The following GPC5 variants were observed in gnomAD, a reference collection of about 807,000 sequenced individuals.
GPC5 encodes the protein glypican-5.
Under a neutral mutation model 53.9 loss-of-function variants are expected in GPC5, and 47 were observed. The observed-to-expected ratio is 0.87, with a 90% confidence interval of 0.69 to 1.11. GPC5 has a LOEUF of 1.11. Among genes scored for constraint, GPC5 ranks in the 50% most tolerant of loss-of-function variants. The pLI is 0.00. For missense variants in GPC5, 748 were observed against 713.1 expected (o/e 1.05, Z -0.56); for synonymous variants, 286 against 263.3 (o/e 1.09, Z -0.84).
chr13:92,007,095 G>T (rs1286050762), intron 6 of GPC5, among the ~76,000 whole-genome samples: 1 of 152,062 alleles, frequency 6.6e-6, no homozygotes, highest in African/African-American at 2.4e-5. Context: ...AACCATAAAA[G>T]TTCAGTATGC....
intron 7 of GPC5, among the ~76,000 whole-genome samples, chr13:92,158,148 A>G (rs2041958888): frequency 6.6e-6 from 1 of 152,188 alleles, no homozygotes; most frequent in South Asian, 2.1e-4. Context: ...CAAAGCATTT[A>G]CCAAAGTACA....
intron 2 of GPC5, among the ~76,000 whole-genome samples, chr13:91,676,372 C>T (rs2035384509): frequency 6.6e-6 from 1 of 152,058 alleles, no homozygotes; most frequent in Non-Finnish European, 1.5e-5. Context: ...CACCCGGCCA[C>T]CTTTGGCTGT....
At chr13:92,200,792 T>G (rs1378577872) in intron 7 of GPC5, among the ~76,000 whole-genome samples, 1 of 152,222 alleles carries the variant, frequency 6.6e-6, no homozygotes, top group East Asian at 1.9e-4. Flanking sequence ...CCTGGTCAGG[T>G]GGCATCATTA....
intron 7 of GPC5, among the ~76,000 whole-genome samples, chr13:92,452,578 C>CAA (rs11412345): frequency 4.5e-4 from 67 of 150,432 alleles, no homozygotes; most frequent in African/African-American, 4.6e-4. Context: ...CCAAAAAAAA[C>CAA]AAAAAAAACA....
intron 7 of GPC5, among the ~76,000 whole-genome samples, chr13:92,712,891 C>T (rs538516615): frequency 1.1e-4 from 17 of 151,460 alleles, no homozygotes; most frequent in Admixed American, 5.9e-4. Context: ...TGAAGACAGA[C>T]GGAGAAGACA....
intron 7 of GPC5, among the ~76,000 whole-genome samples, chr13:92,682,321 C>T (rs548011713): frequency 7.2e-5 from 11 of 152,222 alleles, no homozygotes; most frequent in African/African-American, 2.4e-4. Flanking sequence ...CCTATTGCTA[C>T]TTTGAAGAGT....
chr13:92,239,618 A>G (rs995583464), intron 7 of GPC5, among the ~76,000 whole-genome samples: 5 of 152,022 alleles, frequency 3.3e-5, no homozygotes, highest in African/African-American at 1.2e-4. Flanking sequence ...CATTGTTTAA[A>G]AAGACGTATC....
At chr13:92,567,542 T>G (rs1882897850) in intron 7 of GPC5, among the ~76,000 whole-genome samples, 1 of 152,140 alleles carries the variant, frequency 6.6e-6, no homozygotes, top group Admixed American at 6.5e-5. Context: ...TTATCCTGGA[T>G]TAATCGAATG....
chr13:92,244,585 G>A (rs1013847389), intron 7 of GPC5, among the ~76,000 whole-genome samples: 6 of 152,094 alleles, frequency 3.9e-5, no homozygotes, highest in Admixed American at 3.9e-4. Flanking sequence ...TTTCTTGAGT[G>A]ATGTTCTTAC....
At chr13:92,168,530 G>T (rs969976212) in intron 7 of GPC5, among the ~76,000 whole-genome samples, 1 of 152,064 alleles carries the variant, frequency 6.6e-6, no homozygotes, top group African/African-American at 2.4e-5. Flanking sequence ...CAAAGGACAT[G>T]AACAGATACT....
intron 7 of GPC5, among the ~76,000 whole-genome samples, chr13:92,696,116 G>C (rs987947896): frequency 1.9e-4 from 29 of 152,090 alleles, no homozygotes; most frequent in Non-Finnish European, 4.4e-5. Flanking sequence ...ATTTGGGTTG[G>C]TTCCAAGTCT....
In GPC5 at chr13:92,525,283, T is replaced by C. The variant is rs537715729; in HGVS notation, c.1562-340999T>C. Among the ~76,000 whole-genome samples, 31 of 152,222 alleles carry C rather than the reference T, an allele frequency of 2.0e-4. No homozygotes were observed. In the South Asian group the frequency reaches 4.1e-3, roughly 20 times the overall value. On this transcript the variant is annotated intron_variant, in intron 7 of 7. Coordinates refer to ENST00000377067, the MANE Select transcript of GPC5 (RefSeq NM_004466.6). The stretch of plus-strand genomic sequence containing the variant: ...TACACAGTGGAGAGATTTTGCGCTG[T>C]TTATCATAGTACTCTGAATTGTAAA...
intron 7 of GPC5, among the ~76,000 whole-genome samples, chr13:92,183,773 A>G (rs899870350): frequency 6.6e-6 from 1 of 151,968 alleles, no homozygotes; most frequent in African/African-American, 2.4e-5. Flanking sequence ...GCTTTTTATG[A>G]ATTTTAGGTG....
chr13:92,456,770 C>T (rs1878282588), intron 7 of GPC5, among the ~76,000 whole-genome samples: 1 of 152,164 alleles, frequency 6.6e-6, no homozygotes, highest in Non-Finnish European at 1.5e-5. Context: ...TCTCCTCACC[C>T]TCACAGTCTA....
At chr13:92,861,707 T>G (rs1879190277) in intron 7 of GPC5, among the ~76,000 whole-genome samples, 2 of 152,162 alleles carry the variant, frequency 1.3e-5, no homozygotes, top group Admixed American at 6.6e-5. Flanking sequence ...AAGGTTCTTT[T>G]CTTGTGTGAT....
intron 6 of GPC5, among the ~76,000 whole-genome samples, chr13:92,083,658 A>T (rs1336390093): frequency 6.6e-6 from 1 of 152,190 alleles, no homozygotes; most frequent in Non-Finnish European, 1.5e-5. Context: ...ATCATGTTTC[A>T]TTATAATAGA....
intron 7 of GPC5, among the ~76,000 whole-genome samples, chr13:92,342,204 T>G (rs1264119878): frequency 2.0e-5 from 3 of 152,136 alleles, no homozygotes; most frequent in African/African-American, 7.2e-5. Flanking sequence ...GTTGCCTGCT[T>G]TCGGTCATGG....
chr13:91,589,434 C>T (rs962733236), intron 2 of GPC5, among the ~76,000 whole-genome samples: 11 of 152,098 alleles, frequency 7.2e-5, no homozygotes, highest in African/African-American at 2.4e-4. Flanking sequence ...CAGTAAGCAT[C>T]TCAAAGTGAG....
chr13:92,024,186 CA>C (rs2040782405), intron 6 of GPC5, among the ~76,000 whole-genome samples: 1 of 152,088 alleles, frequency 6.6e-6, no homozygotes, highest in African/African-American at 2.4e-5. Context: ...TTTGGTTGCA[CA>C]GTCCTGTGAA....
Sources: allele counts gnomAD v4.1 joint callset (sites outside exome capture counted in the v4.1 genomes callset), GRCh38; gene constraint gnomAD v4.1.1; transcripts MANE v1.5; gene names NCBI Gene and HGNC (gene_info 2026-07-23, HGNC 2026-07-21).